PIWIL3: variants seen among roughly 807,000 people sequenced by gnomAD.
The protein encoded by PIWIL3 is piwi like RNA-mediated gene silencing 3, also known as piwi-like protein 3.
PIWIL3 carries 101 observed loss-of-function variants against 109.7 expected under a neutral mutation model. That is an observed-to-expected ratio of 0.92 (90% confidence interval 0.78 to 1.09). PIWIL3 has a LOEUF of 1.09. Ranked by LOEUF, PIWIL3 falls within the 50% of genes least tolerant of loss-of-function variation. The probability of loss-of-function intolerance (pLI) is 0.00; values close to 1 mark genes in which losing one functional copy is unlikely to be tolerated. For synonymous variants in PIWIL3, 373 were observed against 376.4 expected (o/e 0.99, Z 0.10); for missense variants, 1,031 against 1,072.6 (o/e 0.96, Z 0.54).
chr22:24,730,209 AC>A (rs1377251340), intron 14 of PIWIL3, among the ~76,000 whole-genome samples: 2 of 152,052 alleles, frequency 1.3e-5, no homozygotes, highest in Non-Finnish European at 2.9e-5. Context: ...TACTAAAAAT[AC>A]AAAAATTATC....
At chr22:24,720,267 T>TTG (rs1301794904) in intron 19 of PIWIL3, among the ~76,000 whole-genome samples, 2 of 57,926 alleles carry the variant, frequency 3.5e-5, no homozygotes, top group African/African-American at 9.2e-5. Flanking sequence ...CTGTTTTTTT[T>TTG]TTTTTTTTTT....
rs972187614 is a variant in PIWIL3 at position 24,748,147 on chromosome 22, G to C, written c.1449+760C>G. Among the ~76,000 whole-genome samples, 5 of 152,126 alleles carry C rather than the reference G, an allele frequency of 3.3e-5. No individual in the cohort carries two copies. The South Asian group carries it at 1.0e-3, about 31-fold the overall frequency. ...CATTTGCAACAAGGCTGGAACTGAAGGTCACTGTGTTAAATGAAATTAGCC... is the reference window on the plus strand; with the variant it reads ...CATTTGCAACAAGGCTGGAACTGAACGTCACTGTGTTAAATGAAATTAGCC... On this transcript the variant is annotated intron_variant, in intron 12 of 20. Coordinates refer to ENST00000616349, the MANE Select transcript of PIWIL3 (RefSeq NM_001255975.1).
chr22:24,768,255 G>T (rs542124278), intron 1 of PIWIL3, among the ~76,000 whole-genome samples: 8 of 147,658 alleles, frequency 5.4e-5, no homozygotes, highest in African/African-American at 2.0e-4. Flanking sequence ...TGTTTTTTGT[G>T]TTTTTTTTTT....
chr22:24,730,575 T>C (rs1042082787), intron 14 of PIWIL3, among the ~76,000 whole-genome samples: 1 of 152,056 alleles, frequency 6.6e-6, no homozygotes, highest in Admixed American at 6.6e-5. Context: ...TATACAACTG[T>C]GGTCAAATGT....
Position 24,727,935 on chromosome 22 carries a change from C to G in PIWIL3, c.2009+15G>C, listed in dbSNP as rs762905759. On this transcript the variant is annotated intron_variant, in intron 16 of 20. Transcript: ENST00000616349. ...GTCAGCTACTAACTAAACATGTCTA[C>G]CAGAGCTTACTTACTTTGTTAATTC... The G allele has an allele frequency of 6.3e-7, 1 of 1,591,256 alleles. No homozygotes were observed. Among genetic ancestry groups the G allele is most frequent in the Non-Finnish European group, 8.6e-7 (1 of 1,162,794 alleles).
chr22:24,771,350 C>T (rs1041674745), intron 1 of PIWIL3, among the ~76,000 whole-genome samples: 25 of 151,368 alleles, frequency 1.7e-4, no homozygotes, highest in African/African-American at 5.3e-4. Context: ...TGGTGGCGGG[C>T]GCCTGTAGTC....
intron 6 of PIWIL3, 58 bp downstream of exon 6, chr22:24,755,726 C>A: frequency 6.2e-7 from 1 of 1,604,372 alleles, no homozygotes. Context: ...GTATTCCACA[C>A]CACTACACAG....
Position 24,758,016 on chromosome 22 carries a change from C to CCTCA in PIWIL3, c.243_246dup (p.Ala83Ter), listed in dbSNP as rs1343591212. 2.5e-6 allele frequency: 4 copies of CCTCA among 1,613,406 alleles called. No individual in the cohort carries two copies. Among genetic ancestry groups the CCTCA allele is most frequent in the Non-Finnish European group, 2.5e-6 (3 of 1,179,838 alleles). ...TGCAAGGGCGCTGTATGCAACCCAG[C>CCTCA]CTCAGGTCCAGGTTCCTTCACCCCT... On this transcript the variant is annotated stop_gained and frameshift_variant, in exon 4 of 21. Coordinates refer to ENST00000616349, the MANE Select transcript of PIWIL3 (RefSeq NM_001255975.1). LOFTEE classifies it high-confidence loss of function.
intron 19 of PIWIL3, among the ~76,000 whole-genome samples, chr22:24,721,019 A>G (rs1808527205): frequency 6.6e-6 from 1 of 152,220 alleles, no homozygotes; most frequent in Admixed American, 6.5e-5. Flanking sequence ...GTAACTGATC[A>G]GCATTGCTTC....
In PIWIL3 at chr22:24,735,741, G is replaced by A; in HGVS notation, c.1601C>T (p.Ala534Val). Reference protein sequence around the residue: ...SLKGHLQSVTAPMGITMKPAE... With the variant: ...SLKGHLQSVTVPMGITMKPAE... ...TGGTTTCATAGTTATGCCCATGGGG[G>A]CTGTGACACTCTGTAGATGACCCTT... Residue 534 changes from alanine (A) to valine (V), a missense_variant, in exon 13 of 21, where the codon GCC becomes GTC. By Grantham distance (64) the Ala-to-Val change is moderately conservative (BLOSUM62 0). Coordinates refer to ENST00000616349, the MANE Select transcript of PIWIL3 (RefSeq NM_001255975.1). 6.2e-7 allele frequency: 1 copy of A among 1,610,742 alleles called. No homozygotes were observed. Among genetic ancestry groups the A allele is most frequent in the Non-Finnish European group, 8.5e-7 (1 of 1,179,024 alleles).
intron 12 of PIWIL3, among the ~76,000 whole-genome samples, chr22:24,738,127 G>A (rs963413869): frequency 5.3e-5 from 8 of 152,168 alleles, no homozygotes; most frequent in African/African-American, 1.9e-4. Flanking sequence ...CTCCAGCCTA[G>A]GCGACAGAGC....
At chr22:24,720,036 C>G in intron 19 of PIWIL3, 141 bp from the exon 20 acceptor site, 3 of 722,772 alleles carry the variant, frequency 4.2e-6, no homozygotes, top group Non-Finnish European at 6.4e-6. Flanking sequence ...ATTTAGAAAC[C>G]TAACTGATAA....
intron 1 of PIWIL3, among the ~76,000 whole-genome samples, chr22:24,763,666 G>A (rs949467788): frequency 6.6e-6 from 1 of 152,094 alleles, no homozygotes; most frequent in African/African-American, 2.4e-5. Context: ...GACACTAGGG[G>A]TTACTACGCT....
intron 2 of PIWIL3, among the ~76,000 whole-genome samples, chr22:24,760,282 A>G (rs1384468136): frequency 6.6e-6 from 1 of 152,192 alleles, no homozygotes; most frequent in Non-Finnish European, 1.5e-5. Flanking sequence ...CTCAGTGAGA[A>G]AGTGACACAG....
At chr22:24,726,932 C>A (rs1923034521) in intron 16 of PIWIL3, among the ~76,000 whole-genome samples, 1 of 152,156 alleles carries the variant, frequency 6.6e-6, no homozygotes, top group Non-Finnish European at 1.5e-5. Flanking sequence ...CTTAAGACTG[C>A]AAACGTATTT....
intron 2 of PIWIL3, among the ~76,000 whole-genome samples, chr22:24,760,781 A>C (rs1468340390): frequency 2.3e-5 from 2 of 86,110 alleles, no homozygotes; most frequent in South Asian, 4.1e-4. Context: ...ACTCTGTCTC[A>C]AAAAAAAAAA....
At chr22:24,722,500 G>A (rs1233571989) in intron 19 of PIWIL3, among the ~76,000 whole-genome samples, 1 of 152,076 alleles carries the variant, frequency 6.6e-6, no homozygotes, top group Non-Finnish European at 1.5e-5. Flanking sequence ...ACCACTTGAG[G>A]TCAGGAGTTC....
intron 1 of PIWIL3, among the ~76,000 whole-genome samples, chr22:24,772,517 T>C (rs1027493886): frequency 6.6e-6 from 1 of 152,166 alleles, no homozygotes; most frequent in African/African-American, 2.4e-5. Context: ...CTGTGGGGGT[T>C]ACAGGAGCCA....
At chr22:24,740,375 C>T (rs564373728) in intron 12 of PIWIL3, among the ~76,000 whole-genome samples, 3 of 151,490 alleles carry the variant, frequency 2.0e-5, no homozygotes, top group African/African-American at 4.8e-5. Flanking sequence ...GGTGAAACCC[C>T]GTCTCTACTA....
Sources: gnomAD v4.1 joint callset for allele counts (sites outside exome capture counted in the v4.1 genomes callset) on GRCh38, gnomAD v4.1.1 for gene constraint, MANE v1.5 for transcripts, NCBI Gene and HGNC (gene_info 2026-07-23, HGNC 2026-07-21) for gene names.